The following MACC1 variants were observed in gnomAD, a reference collection of about 807,000 sequenced individuals.
The protein encoded by MACC1 is MET transcriptional regulator MACC1, also known as metastasis-associated in colon cancer protein 1.
MACC1 carries 79 observed loss-of-function variants against 70.7 expected under a neutral mutation model. The ratio of observed to expected loss-of-function variants is 1.12; its 90% confidence interval spans 0.93 to 1.35. The LOEUF is 1.35. Among genes scored for constraint, MACC1 ranks in the 40% most tolerant of loss-of-function variants. MACC1 has a pLI of 0.00. For synonymous variants in MACC1, 361 were observed against 347.2 expected (o/e 1.04, Z -0.44); for missense variants, 1,106 against 978.1 (o/e 1.13, Z -1.74).
rs1781755380 is a variant in MACC1 at position 20,138,800 on chromosome 7, G to C, written c.*2146C>G. On this transcript the variant is annotated 3_prime_UTR_variant, in exon 7 of 7. Coordinates refer to ENST00000400331, the MANE Select transcript of MACC1 (RefSeq NM_182762.4). ...CCATTCTCCTGCCTCAGCCTCCTGA[G>C]TAGCTGGGACTACAGGCGCCTGCCA... 1 of 151,846 alleles carries C rather than the reference G, an allele frequency of 6.6e-6. No homozygotes were observed. The highest frequency in any genetic ancestry group is 1.5e-5 in the Non-Finnish European group (1 of 67,998). The allele number at this position is 151,846 out of a possible 1,614,324, so 9.4% of individuals were successfully genotyped here.
intron 1 of MACC1, among the ~76,000 whole-genome samples, chr7:20,177,197 A>G (rs1782407032): frequency 6.6e-6 from 1 of 152,128 alleles, no homozygotes; most frequent in East Asian, 1.9e-4. Context: ...AGTTTAAAAT[A>G]AAAAGTCAAA....
intron 1 of MACC1, among the ~76,000 whole-genome samples, chr7:20,200,336 A>G (rs1782815334): frequency 6.6e-6 from 1 of 152,228 alleles, no homozygotes; most frequent in Non-Finnish European, 1.5e-5. Context: ...ATCCCTCATT[A>G]ACAAACACTA....
chr7:20,155,028 T>C (rs556399524), intron 5 of MACC1, among the ~76,000 whole-genome samples: 29 of 152,138 alleles, frequency 1.9e-4, no homozygotes, highest in African/African-American at 6.3e-4. Flanking sequence ...AAACATAAAG[T>C]ACAAGGTATT....
intron 5 of MACC1, among the ~76,000 whole-genome samples, chr7:20,154,640 C>G (rs1782029613): frequency 6.6e-6 from 1 of 152,142 alleles, no homozygotes; most frequent in African/African-American, 2.4e-5. Flanking sequence ...GGATAAACCA[C>G]TTAACTAATA....
chr7:20,160,010 A>G lies in MACC1; in HGVS notation c.351T>C (p.Gly117=). 6.2e-7 allele frequency: 1 copy of G among 1,612,818 alleles called. No homozygotes were observed. ...IENGNSFDSS[G]DELDVHQLLR... ...GTAACTGATGCACATCAAGTTCATC[A>G]CCGGAGGAATCAAAAGAATTTCCAT... is the stretch of plus-strand genomic sequence containing the variant. The change falls in exon 5 of 7, where the codon GGT becomes GGC. Residue 117 remains glycine, a synonymous_variant. Transcript: ENST00000400331.
Position 20,140,816 on chromosome 7 carries a change from CACACACACAG to C in MACC1, c.*120_*129del, listed in dbSNP as rs1488584078. ...TCTTTCTTTCCTACACACACACACA[CACACACACAG>C]ACACACACACACAGACACACACACA... On this transcript the variant is annotated 3_prime_UTR_variant, in exon 7 of 7. Coordinates refer to ENST00000400331, the MANE Select transcript of MACC1 (RefSeq NM_182762.4). 2.3e-5 allele frequency: 13 copies of C among 561,454 alleles called. No individual in the cohort carries two copies. The highest frequency in any genetic ancestry group is 1.9e-4 in the Admixed American group (6 of 30,786). 34.8% of individuals were successfully genotyped at this position (561,454 alleles called of 1,614,324 possible). A position where few individuals can be genotyped will look rare whatever the true frequency, so the allele number is the denominator to read the frequency against.
intron 1 of MACC1, chr7:20,184,904 A>G (rs1782561651): frequency 6.6e-6 from 1 of 152,194 alleles, no homozygotes; most frequent in Admixed American, 6.5e-5. Flanking sequence ...AAGGTATATT[A>G]TAATTGATTT....
At chr7:20,184,300 C>T (rs1175061879) in intron 1 of MACC1, among the ~76,000 whole-genome samples, 3 of 152,148 alleles carry the variant, frequency 2.0e-5, no homozygotes, top group Non-Finnish European at 4.4e-5. Context: ...ATCTAACTCA[C>T]TACCTTTTGC....
intron 1 of MACC1, among the ~76,000 whole-genome samples, chr7:20,198,005 C>G (rs1331296729): frequency 6.6e-6 from 1 of 151,980 alleles, no homozygotes; most frequent in Non-Finnish European, 1.5e-5. Context: ...AGGAAAATAC[C>G]ACCCTCTGGT....
intron 1 of MACC1, among the ~76,000 whole-genome samples, chr7:20,173,601 A>T (rs1225417709): frequency 6.6e-6 from 1 of 152,174 alleles, no homozygotes; most frequent in Non-Finnish European, 1.5e-5. Context: ...TTATGCAAAA[A>T]GTGGGTTGCA....
At chr7:20,186,899 G>C (rs1357239576) in intron 1 of MACC1, among the ~76,000 whole-genome samples, 1 of 152,150 alleles carries the variant, frequency 6.6e-6, no homozygotes, top group Non-Finnish European at 1.5e-5. Context: ...GTATGCTTAG[G>C]AGAGTATAGT....
At chr7:20,199,368 T>C (rs1782801097) in intron 1 of MACC1, among the ~76,000 whole-genome samples, 1 of 152,254 alleles carries the variant, frequency 6.6e-6, no homozygotes, top group Non-Finnish European at 1.5e-5. Flanking sequence ...TAGCCAAAGC[T>C]ATCTAAAGCA....
chr7:20,169,099 T>C (rs1782263283), intron 2 of MACC1, among the ~76,000 whole-genome samples: 2 of 152,330 alleles, frequency 1.3e-5, no homozygotes, highest in South Asian at 4.1e-4. Context: ...TTTCCAACTT[T>C]CAAGGCCACA....
chr7:20,145,022 G>GTTCCACAATGTATC (rs1388296361), intron 6 of MACC1, among the ~76,000 whole-genome samples: 2 of 152,138 alleles, frequency 1.3e-5, no homozygotes, highest in African/African-American at 4.8e-5. Context: ...GCTCACACAA[G>GTTCCACAATGTATC]CTCCCTGGAT....
chr7:20,165,836 T>A (rs1240542284), intron 2 of MACC1, among the ~76,000 whole-genome samples: 2 of 152,216 alleles, frequency 1.3e-5, no homozygotes, highest in African/African-American at 4.8e-5. Context: ...TGATTTTGCA[T>A]GATCCATTAC....
At chr7:20,199,644 C>A (rs1782804531) in intron 1 of MACC1, among the ~76,000 whole-genome samples, 1 of 152,144 alleles carries the variant, frequency 6.6e-6, no homozygotes, top group Non-Finnish European at 1.5e-5. Flanking sequence ...AAACAGGAAG[C>A]ACACAGAGAG....
chr7:20,161,756 T>C lies in MACC1; in HGVS notation c.107A>G (p.Asn36Ser), dbSNP rs748131372. Residue 36 changes from asparagine (N) to serine (S), a missense_variant, in exon 4 of 7, where the codon AAT becomes AGT. By Grantham distance (46) the Asn-to-Ser change is conservative. Transcript: ENST00000400331. ...MEAGKLSKSC[N>S]ITECQDPDLL... ...GTTATAAATTCCCATACCTGTAATA[T>C]TGCAACTTTTTGAGAGTTTTCCAGC... 1.1e-5 allele frequency: 17 copies of C among 1,604,428 alleles called. No homozygotes were observed. Among genetic ancestry groups the C allele is most frequent in the Middle Eastern group, 1.7e-4 (1 of 6,056 alleles).
intron 1 of MACC1, among the ~76,000 whole-genome samples, chr7:20,211,261 C>T (rs1327331312): frequency 6.6e-6 from 1 of 151,878 alleles, no homozygotes. Context: ...TGCTCCTCCT[C>T]AAAATTAATT....
rs909663215 is a variant in MACC1, at chr7:20,140,680, T to A, written c.*266A>T. The A allele has an allele frequency of 2.9e-6, 1 of 344,410 alleles. No homozygotes were observed. Among genetic ancestry groups the A allele is most frequent in the African/African-American group, 2.1e-5 (1 of 47,600 alleles). 21.3% of individuals were successfully genotyped at this position (344,410 alleles called of 1,614,324 possible). ...CTTGTATTTGAAACATACACAAAAATACATATTTGAGGATAAAACCCATCT... is the reference window on the plus strand; with the variant it reads ...CTTGTATTTGAAACATACACAAAAAAACATATTTGAGGATAAAACCCATCT... On this transcript the variant is annotated 3_prime_UTR_variant, in exon 7 of 7. Transcript: ENST00000400331.
Sources: gnomAD v4.1 joint callset for allele counts (sites outside exome capture counted in the v4.1 genomes callset) on GRCh38, gnomAD v4.1.1 for gene constraint, MANE v1.5 for transcripts, NCBI Gene and HGNC (gene_info 2026-07-23, HGNC 2026-07-21) for gene names.